Variants in NIM1K observed in about 807,000 individuals in gnomAD.
The protein encoded by NIM1K is NIM1 serine/threonine protein kinase, also known as serine/threonine-protein kinase NIM1.
Under a neutral mutation model 37.1 loss-of-function variants are expected in NIM1K, and 35 were observed. The observed-to-expected ratio is 0.94, with a 90% CI of 0.72 to 1.25. The LOEUF is 1.25. Among genes scored for constraint, NIM1K ranks in the 50% most tolerant of loss-of-function variants. NIM1K has a pLI of 0.00. For synonymous variants in NIM1K, 234 were observed against 206.6 expected, an observed-to-expected ratio of 1.13 and a Z score of -1.14; for missense variants, 564 against 548.0, an observed-to-expected ratio of 1.03 and a Z score of -0.29.
intron 1 of NIM1K, among the ~76,000 whole-genome samples, chr5:43,199,624 A>G (rs1178621115): frequency 6.6e-6 from 1 of 152,142 alleles, no homozygotes; most frequent in Non-Finnish European, 1.5e-5. Flanking sequence ...GAAAGCACTA[A>G]TTATCAGAAA....
chr5:43,244,093 T>C (rs1232366831), intron 1 of NIM1K, among the ~76,000 whole-genome samples: 1 of 152,212 alleles, frequency 6.6e-6, no homozygotes, highest in Non-Finnish European at 1.5e-5. Context: ...GGCAACCCCA[T>C]ACTTAACCTT....
intron 1 of NIM1K, chr5:43,231,960 G>T: frequency 1.0e-6 from 1 of 963,978 alleles, no homozygotes; most frequent in Non-Finnish European, 1.6e-6. Flanking sequence ...GTGAACAAAA[G>T]CACTCTTGAC....
At chr5:43,272,001 G>T (rs1216756139) in intron 2 of NIM1K, among the ~76,000 whole-genome samples, 1 of 152,058 alleles carries the variant, frequency 6.6e-6, no homozygotes, top group Non-Finnish European at 1.5e-5. Flanking sequence ...ATCAATAGTT[G>T]GTTCATTTTT....
At chr5:43,246,160 G>C (rs1579977557) in intron 2 of NIM1K, 93 bp downstream of exon 2, 1 of 1,157,514 alleles carries the variant, frequency 8.6e-7, no homozygotes, top group East Asian at 2.4e-5. Context: ...AGCAAGTAAA[G>C]TGACCTCAGC....
Position 43,213,211 on chromosome 5 carries a change from TTCTTTCTTTC to T in NIM1K, c.-695+20802_-695+20811del, listed in dbSNP as rs1224141507. Among the ~76,000 whole-genome samples the T allele has an allele frequency of 5.6e-3, 306 of 54,632 alleles. 7 individuals are homozygous for T. The highest frequency in any genetic ancestry group is 0.016 in the African/African-American group (258 of 15,800). 35.8% of individuals were successfully genotyped at this position (54,632 alleles called of 152,430 possible). On this transcript the variant is annotated intron_variant, in intron 1 of 3. Transcript: ENST00000326035. ...TTTCTTTCTTTCTTTCTTTCTTTCT[TTCTTTCTTTC>T]TTTCCTTCTTTTCTTCCTTTCTTTC...
chr5:43,275,373 C>G (rs114874176), intron 2 of NIM1K, among the ~76,000 whole-genome samples: 1 of 152,156 alleles, frequency 6.6e-6, no homozygotes, highest in Non-Finnish European at 1.5e-5. Context: ...ATCACAGAAG[C>G]CTTTTTACAC....
At chr5:43,218,050 C>T (rs1200116207) in intron 1 of NIM1K, among the ~76,000 whole-genome samples, 5 of 150,422 alleles carry the variant, frequency 3.3e-5, no homozygotes, top group Non-Finnish European at 5.9e-5. Flanking sequence ...CTCAGTCTGT[C>T]GCCCAGGCTG....
At chr5:43,277,779 CGTGT>C (rs765779433) in intron 3 of NIM1K, among the ~76,000 whole-genome samples, 14,357 of 127,216 alleles carry the variant, frequency 0.11, 877 homozygotes, top group Middle Eastern at 0.16. Flanking sequence ...CCCCCCTCTC[CGTGT>C]GTGTGTGTGT....
At chr5:43,270,030 G>T (rs10462049) in intron 2 of NIM1K, among the ~76,000 whole-genome samples, 1 of 152,180 alleles carries the variant, frequency 6.6e-6, no homozygotes, top group Non-Finnish European at 1.5e-5. Context: ...TTAGAATTTT[G>T]TGTATGGCTG....
chr5:43,215,444 T>C (rs78024502), intron 1 of NIM1K, among the ~76,000 whole-genome samples: 1 of 152,210 alleles, frequency 6.6e-6, no homozygotes, highest in Non-Finnish European at 1.5e-5. Flanking sequence ...CATCTTTTTT[T>C]CTTTTTTCGA....
intron 1 of NIM1K, among the ~76,000 whole-genome samples, chr5:43,225,312 G>A (rs1046474192): frequency 3.6e-5 from 5 of 137,626 alleles, no homozygotes; most frequent in African/African-American, 1.3e-4. Context: ...AGCTCAAAAA[G>A]GTGTGATTAC....
At chr5:43,206,044 C>A (rs889562257) in intron 1 of NIM1K, among the ~76,000 whole-genome samples, 1 of 151,992 alleles carries the variant, frequency 6.6e-6, no homozygotes, top group African/African-American at 2.4e-5. Context: ...TTATTTGGTG[C>A]CTACCATATC....
intron 2 of NIM1K, among the ~76,000 whole-genome samples, chr5:43,275,649 T>C (rs980720765): frequency 4.6e-5 from 7 of 152,040 alleles, no homozygotes; most frequent in African/African-American, 1.4e-4. Context: ...ACAGTTCATG[T>C]TGGGAATGGG....
intron 1 of NIM1K, among the ~76,000 whole-genome samples, chr5:43,219,252 AAACATATG>A (rs1320109022): frequency 6.6e-6 from 1 of 152,180 alleles, no homozygotes; most frequent in Non-Finnish European, 1.5e-5. Flanking sequence ...CAACATAATG[AAACATATG>A]AACATAATGA....
At chr5:43,198,573 CA>C (rs1751971344) in intron 1 of NIM1K, among the ~76,000 whole-genome samples, 1 of 151,866 alleles carries the variant, frequency 6.6e-6, no homozygotes, top group Non-Finnish European at 1.5e-5. Context: ...CAAACCTTTC[CA>C]GCCCACTTCA....
intron 1 of NIM1K, chr5:43,232,459 G>C: frequency 6.7e-7 from 1 of 1,494,014 alleles, no homozygotes; most frequent in Non-Finnish European, 9.3e-7. Flanking sequence ...GGGAAGCAGT[G>C]ATGGAGGACA....
In NIM1K at chr5:43,193,163, A is replaced by G. The variant is rs542753012; in HGVS notation, c.-695+752A>G. ...AAGATCGCAACCGGGTCTTTAAAAT[A>G]TCGATTCCAGCCAGCTTCTGCGTGC... On this transcript the variant is annotated intron_variant, in intron 1 of 3. Transcript: ENST00000326035. 3 of 152,126 alleles carry G rather than the reference A, an allele frequency of 2.0e-5. No individual in the cohort carries two copies. In the South Asian group the frequency reaches 6.2e-4, roughly 32 times the overall value. 9.4% of individuals were successfully genotyped at this position (152,126 alleles called of 1,614,324 possible). A position where few individuals can be genotyped will look rare whatever the true frequency, so the allele number is the denominator to read the frequency against.
At chr5:43,274,835 GT>G (rs566564148) in intron 2 of NIM1K, among the ~76,000 whole-genome samples, 110 of 152,228 alleles carry the variant, frequency 7.2e-4, no homozygotes, top group African/African-American at 2.5e-3. Context: ...ATCCATTTTC[GT>G]TTTAATAGTC....
chr5:43,250,744 G>C (rs1215360608), intron 2 of NIM1K, among the ~76,000 whole-genome samples: 1 of 152,206 alleles, frequency 6.6e-6, no homozygotes, highest in African/African-American at 2.4e-5. Context: ...AAGGAATTTA[G>C]AAAAAAGTGT....
Sources: gnomAD v4.1 joint callset for allele counts (sites outside exome capture counted in the v4.1 genomes callset) on GRCh38, gnomAD v4.1.1 for gene constraint, MANE v1.5 for transcripts, NCBI Gene and HGNC (gene_info 2026-07-23, HGNC 2026-07-21) for gene names.